Variants in FAM13C observed in about 807,000 individuals in gnomAD.
FAM13C encodes family with sequence similarity 13 member C.
FAM13C carries 37 observed loss-of-function variants against 73.2 expected under a neutral mutation model. The ratio of observed to expected loss-of-function variants is 0.51; its 90% CI spans 0.39 to 0.67. FAM13C has a LOEUF of 0.67. Among genes scored for constraint, FAM13C ranks in the 30% least tolerant of loss-of-function variants. The probability of loss-of-function intolerance (pLI) is 0.00; values close to 1 mark genes in which losing one functional copy is unlikely to be tolerated. For missense variants in FAM13C, 589 were observed against 715.6 expected (o/e 0.82, Z 2.02); for synonymous variants, 246 against 260.9 (o/e 0.94, Z 0.55).
chr10:59,342,137 T>A (rs1294524075), intron 3 of FAM13C, among the ~76,000 whole-genome samples: 1 of 152,152 alleles, frequency 6.6e-6, no homozygotes, highest in African/African-American at 2.4e-5. Context: ...GCAAGCAGTA[T>A]CCTATGGGAA....
At chr10:59,316,358 T>A (rs913813364) in intron 4 of FAM13C, among the ~76,000 whole-genome samples, 3 of 152,222 alleles carry the variant, frequency 2.0e-5, no homozygotes, top group African/African-American at 7.2e-5. Context: ...AAAGATATTG[T>A]TTTTAAGATG....
At chr10:59,325,040 G>C (rs1200203258) in intron 3 of FAM13C, among the ~76,000 whole-genome samples, 1 of 152,092 alleles carries the variant, frequency 6.6e-6, no homozygotes, top group Non-Finnish European at 1.5e-5. Flanking sequence ...ACTTTCTTTA[G>C]AATAAAATAG....
chr10:59,284,268 T>C (rs1845284746), intron 5 of FAM13C, among the ~76,000 whole-genome samples: 1 of 152,014 alleles, frequency 6.6e-6, no homozygotes, highest in Non-Finnish European at 1.5e-5. Flanking sequence ...GACGCATGCA[T>C]CCTGCCATGA....
Position 59,246,167 on chromosome 10 carries a change from T to C in FAM13C, c.*1447A>G, listed in dbSNP as rs1840689505. The C allele has an allele frequency of 1.3e-5, 2 of 152,746 alleles. No homozygotes were observed. The highest frequency in any genetic ancestry group is 1.3e-4 in the Admixed American group (2 of 15,282). 9.5% of individuals were successfully genotyped at this position (152,746 alleles called of 1,614,324 possible). A position where few individuals can be genotyped will look rare whatever the true frequency, so the allele number is the denominator to read the frequency against. On this transcript the variant is annotated 3_prime_UTR_variant, in exon 14 of 14. Transcript: ENST00000618804. Reference sequence around the variant, plus strand: ...AAAATATTTTATTTGTATTGTTGTATAAAATATTTACAATCATATAGAATA... The same window carrying C: ...AAAATATTTTATTTGTATTGTTGTACAAAATATTTACAATCATATAGAATA...
chr10:59,359,096 A>G (rs1017628454), intron 1 of FAM13C, among the ~76,000 whole-genome samples: 2 of 152,178 alleles, frequency 1.3e-5, no homozygotes, highest in Admixed American at 6.5e-5. Context: ...TGCTCCCTCA[A>G]TCAGCCACAA....
intron 5 of FAM13C, among the ~76,000 whole-genome samples, chr10:59,295,286 A>G (rs1005478230): frequency 1.3e-5 from 2 of 152,232 alleles, no homozygotes; most frequent in African/African-American, 2.4e-5. Context: ...GCCTGGACCA[A>G]TCGGGGAGGC....
At chr10:59,288,385 T>G (rs1443749537) in intron 5 of FAM13C, among the ~76,000 whole-genome samples, 1 of 152,112 alleles carries the variant, frequency 6.6e-6, no homozygotes, top group Non-Finnish European at 1.5e-5. Flanking sequence ...CCCAGCTACT[T>G]GGGTGGCAGA....
chr10:59,277,713 C>A (rs1261025656), intron 6 of FAM13C, among the ~76,000 whole-genome samples: 2 of 152,082 alleles, frequency 1.3e-5, no homozygotes, highest in Non-Finnish European at 2.9e-5. Flanking sequence ...TTACAAAATA[C>A]GTTAATTATA....
At position 59,313,172 on chromosome 10, in the gene FAM13C, C is replaced by A. The variant is rs1442132732; in HGVS notation, c.444-10308G>T. ...GTGATAACACCTCAGAGAAACATGT[C>A]CCTGTCATTGTGATTCCAGAAATCC... On this transcript the variant is annotated intron_variant, in intron 4 of 13. Transcript: ENST00000618804. Among the ~76,000 whole-genome samples, 3 of 152,174 alleles carry A rather than the reference C, an allele frequency of 2.0e-5. No homozygotes were observed. In the East Asian group the frequency reaches 5.8e-4, roughly 29 times the overall value.
At chr10:59,291,202 C>T (rs1047454933) in intron 5 of FAM13C, among the ~76,000 whole-genome samples, 1 of 152,172 alleles carries the variant, frequency 6.6e-6, no homozygotes, top group African/African-American at 2.4e-5. Context: ...AAGCTGCCCC[C>T]ACCCCTACCA....
At chr10:59,272,263 C>CA (rs1227353388) in intron 6 of FAM13C, among the ~76,000 whole-genome samples, 2 of 152,170 alleles carry the variant, frequency 1.3e-5, no homozygotes, top group Non-Finnish European at 1.5e-5. Flanking sequence ...AGAAAGATCC[C>CA]AAAGCAACCA....
At chr10:59,336,725 A>G (rs1852768734) in intron 3 of FAM13C, among the ~76,000 whole-genome samples, 1 of 152,250 alleles carries the variant, frequency 6.6e-6, no homozygotes, top group Non-Finnish European at 1.5e-5. Context: ...TAGAATGACA[A>G]ATATCTTCTA....
chr10:59,270,295 A>G (rs1012742613), intron 6 of FAM13C, 186 bp from the exon 7 acceptor site: 3 of 621,266 alleles, frequency 4.8e-6, no homozygotes, highest in African/African-American at 1.8e-5. Context: ...GACAGAAAAT[A>G]TTACAAAGCT....
chr10:59,299,238 A>G (rs974883057), intron 5 of FAM13C, among the ~76,000 whole-genome samples: 1 of 152,190 alleles, frequency 6.6e-6, no homozygotes, highest in Non-Finnish European at 1.5e-5. Context: ...CAAATGTACA[A>G]TTATTATTTG....
intron 6 of FAM13C, among the ~76,000 whole-genome samples, chr10:59,273,250 T>A (rs909965545): frequency 1.3e-5 from 2 of 152,208 alleles, no homozygotes; most frequent in African/African-American, 4.8e-5. Flanking sequence ...CACCCATGCA[T>A]CCTTTGTATA....
intron 4 of FAM13C, among the ~76,000 whole-genome samples, chr10:59,310,525 C>T (rs1848797711): frequency 6.6e-6 from 1 of 151,968 alleles, no homozygotes; most frequent in Non-Finnish European, 1.5e-5. Flanking sequence ...CAAATGTCTG[C>T]TAAAGGACTG....
chr10:59,314,718 T>G (rs1849324573), intron 4 of FAM13C, among the ~76,000 whole-genome samples: 1 of 152,146 alleles, frequency 6.6e-6, no homozygotes, highest in Non-Finnish European at 1.5e-5. Context: ...GTCTTGATAT[T>G]TCCCTTGTCC....
chr10:59,249,106 T>C (rs1240969932), intron 13 of FAM13C, among the ~76,000 whole-genome samples: 6 of 152,146 alleles, frequency 3.9e-5, no homozygotes, highest in African/African-American at 1.2e-4. Context: ...CCATTTTGGC[T>C]AATAAGAGTG....
At chr10:59,261,133 C>G (rs1300592536) in intron 10 of FAM13C, among the ~76,000 whole-genome samples, 1 of 152,124 alleles carries the variant, frequency 6.6e-6, no homozygotes, top group Non-Finnish European at 1.5e-5. Flanking sequence ...TGGAAAACCA[C>G]AGAGATACCT....
Sources: allele counts gnomAD v4.1 joint callset (sites outside exome capture counted in the v4.1 genomes callset), GRCh38; gene constraint gnomAD v4.1.1; transcripts MANE v1.5; gene names NCBI Gene and HGNC (gene_info 2026-07-23, HGNC 2026-07-21).